The following NOTCH2 variants were observed in gnomAD, a reference collection of about 807,000 sequenced individuals.
NOTCH2 encodes neurogenic locus notch homolog protein 2.
A neutral mutation model predicts 235.8 loss-of-function variants in NOTCH2; 29 were observed. The ratio of observed to expected loss-of-function variants is 0.12; its 90% CI spans 0.09 to 0.17. The LOEUF (loss-of-function observed/expected upper bound fraction) is 0.17, where lower values mean the gene tolerates loss of function less well. Ranked by LOEUF, NOTCH2 falls within the 10% of genes least tolerant of loss-of-function variation. The pLI is 1.00. For missense variants in NOTCH2, 2,285 were observed against 3,150.2 expected, an observed-to-expected ratio of 0.73 and a Z score of 6.57; for synonymous variants, 1,086 against 1,141.5, an observed-to-expected ratio of 0.95 and a Z score of 0.98.
intron 25 of NOTCH2, 47 bp from the exon 26 acceptor site, chr1:119,924,031 T>C (rs754491473): frequency 6.8e-7 from 1 of 1,463,610 alleles, no homozygotes; most frequent in Non-Finnish European, 9.5e-7. Context: ...CAGATTAGAC[T>C]GGAGCTCTAT....
chr1:119,965,613 C>T (rs782775106), intron 9 of NOTCH2, 47 bp from the exon 10 acceptor site: 44 of 1,257,292 alleles, frequency 3.5e-5, no homozygotes, highest in Non-Finnish European at 5.0e-5. Context: ...TATCTTGTGT[C>T]TCCCTTTACC....
intron 17 of NOTCH2, among the ~76,000 whole-genome samples, chr1:119,943,529 C>T (rs1184864831): frequency 2.0e-5 from 3 of 152,134 alleles, no homozygotes; most frequent in Non-Finnish European, 4.4e-5. Context: ...AATTAACAAA[C>T]CTTGAAGTAA....
At chr1:119,981,905 A>G (rs1651828052) in intron 5 of NOTCH2, among the ~76,000 whole-genome samples, 1 of 152,052 alleles carries the variant, frequency 6.6e-6, no homozygotes, top group Non-Finnish European at 1.5e-5. Flanking sequence ...ATTAAGTAGT[A>G]TTCTCTCTCA....
At chr1:119,975,054 A>C (rs1407632083) in intron 5 of NOTCH2, among the ~76,000 whole-genome samples, 3 of 152,212 alleles carry the variant, frequency 2.0e-5, no homozygotes, top group Admixed American at 1.3e-4. Context: ...AACTTTGCAC[A>C]GTTAGTTGGC....
At chr1:119,976,860 T>C (rs1651599681) in intron 5 of NOTCH2, among the ~76,000 whole-genome samples, 1 of 152,082 alleles carries the variant, frequency 6.6e-6, no homozygotes, top group Non-Finnish European at 1.5e-5. Context: ...GATAGTCTTA[T>C]CCTCACTCTC....
At chr1:119,950,915 G>A (rs1650446234) in intron 14 of NOTCH2, 78 bp from the exon 15 acceptor site, 1 of 900,132 alleles carries the variant, frequency 1.1e-6, no homozygotes, top group African/African-American at 1.6e-5. Context: ...TCTCTTTAGG[G>A]GTAAAAACTG....
intron 30 of NOTCH2, 47 bp downstream of exon 30, chr1:119,920,182 A>G (rs1308206076): frequency 1.2e-6 from 2 of 1,603,324 alleles, no homozygotes; most frequent in Non-Finnish European, 1.7e-6. Context: ...ATGTGGAACC[A>G]TGGGCAGACA....
In NOTCH2 at chr1:119,913,141, T is replaced by A. The variant is rs1648945673; in HGVS notation, c.*2165A>T. On this transcript the variant is annotated 3_prime_UTR_variant, in exon 34 of 34. Transcript: ENST00000256646. The stretch of plus-strand genomic sequence containing the variant: ...AATAAATGGGTCCAAGGGCAGAGAG[T>A]CACCATTTAGAATGATAAAATGTTT... 1 of 232,960 alleles carries A rather than the reference T, an allele frequency of 4.3e-6. No homozygotes were observed. Among genetic ancestry groups the A allele is most frequent in the South Asian group, 1.8e-4 (1 of 5,502 alleles). 14.4% of individuals were successfully genotyped at this position (232,960 alleles called of 1,614,324 possible). A position where few individuals can be genotyped will look rare whatever the true frequency, so the allele number is the denominator to read the frequency against.
In NOTCH2 at chr1:119,914,215, A is replaced by C. The variant is rs1360843413; in HGVS notation, c.*1091T>G. 3 of 233,128 alleles carry C rather than the reference A, an allele frequency of 1.3e-5. No individual in the cohort carries two copies. The Admixed American group carries it at 1.7e-4, about 13-fold the overall frequency. The allele number at this position is 233,128 out of a possible 1,614,324, so 14.4% of individuals were successfully genotyped here. On this transcript the variant is annotated 3_prime_UTR_variant, in exon 34 of 34. Transcript: ENST00000256646. ...CATATGCTGGGTGAGTGAGTGAAAC[A>C]GGCCTAGAATGCTCAGATCTGGGAC...
intron 1 of NOTCH2, among the ~76,000 whole-genome samples, chr1:120,041,960 G>A (rs1215954166): frequency 6.8e-6 from 1 of 146,620 alleles, no homozygotes; most frequent in Non-Finnish European, 1.5e-5. Context: ...GAGAGAGAAA[G>A]GAAAGGAAAG....
Position 119,986,505 on chromosome 1 carries a change from T to C in NOTCH2, c.874+455A>G, listed in dbSNP as rs375397555. Among the ~76,000 whole-genome samples, 4 of 152,194 alleles carry C rather than the reference T, an allele frequency of 2.6e-5. No individual in the cohort carries two copies. The East Asian group carries it at 7.7e-4, about 29-fold the overall frequency. ...AAGAGTACCTGCCTAACACTTTGCC[T>C]AGTTATAGAACATGACATTAAGATG... On this transcript the variant is annotated intron_variant, in intron 5 of 33. Coordinates refer to ENST00000256646, the MANE Select transcript of NOTCH2 (RefSeq NM_024408.4).
intron 5 of NOTCH2, among the ~76,000 whole-genome samples, chr1:119,978,046 G>A (rs1224449631): frequency 2.0e-5 from 3 of 152,154 alleles, no homozygotes; most frequent in African/African-American, 4.8e-5. Flanking sequence ...GATACCTATT[G>A]CCTTGGGAGT....
At chr1:119,996,762 T>C (rs1553204214) in intron 4 of NOTCH2, 1 of 958,166 alleles carries the variant, frequency 1.0e-6, no homozygotes, top group South Asian at 1.3e-5. Context: ...AAAGGGACAA[T>C]AAACAATTTT....
chr1:119,935,295 A>G, intron 22 of NOTCH2, 177 bp downstream of exon 22: 1 of 1,545,606 alleles, frequency 6.5e-7, no homozygotes, highest in Non-Finnish European at 8.7e-7. Flanking sequence ...CCACAACATC[A>G]GAGCTAGCAA....
At chr1:119,929,308 C>A in intron 22 of NOTCH2, 96 bp from the exon 23 acceptor site, 2 of 974,046 alleles carry the variant, frequency 2.1e-6, no homozygotes, top group Admixed American at 1.8e-5. Context: ...CACAATGAAT[C>A]AGAGTATACT....
At chr1:119,955,684 A>G (rs1457044844) in intron 12 of NOTCH2, among the ~76,000 whole-genome samples, 3 of 152,226 alleles carry the variant, frequency 2.0e-5, no homozygotes, top group African/African-American at 7.2e-5. Context: ...AATTAACTGG[A>G]ATGCTTAATG....
At chr1:119,942,192 CTCTCTCTCTTTT>C (rs1359778241) in intron 17 of NOTCH2, among the ~76,000 whole-genome samples, 2 of 151,066 alleles carry the variant, frequency 1.3e-5, no homozygotes, top group African/African-American at 4.9e-5. Flanking sequence ...TCCATCTCCT[CTCTCTCTCTTTT>C]TCTCTCTCTT....
At position 119,935,418 on chromosome 1, in the gene NOTCH2, T is replaced by C. The variant is rs587664838; in HGVS notation, c.3655+54A>G. On this transcript the variant is annotated intron_variant, in intron 22 of 33. Coordinates refer to ENST00000256646, the MANE Select transcript of NOTCH2 (RefSeq NM_024408.4). Reference sequence around the variant, plus strand: ...AAATCCCCTGAACACTAAGAATGGATTTATAACTTAAGACAATGCCCTGGA... The same window carrying C: ...AAATCCCCTGAACACTAAGAATGGACTTATAACTTAAGACAATGCCCTGGA... 7.1e-5 allele frequency: 115 copies of C among 1,613,860 alleles called. No homozygotes were observed. The African/African-American group carries it at 1.4e-3, about 20-fold the overall frequency.
chr1:119,966,191 G>C (rs1234091361), intron 9 of NOTCH2, among the ~76,000 whole-genome samples, 185 bp downstream of exon 9: 1 of 152,144 alleles, frequency 6.6e-6, no homozygotes, highest in African/African-American at 2.4e-5. Flanking sequence ...TGGCCACAAA[G>C]GACTTGTAAG....
Sources: allele counts gnomAD v4.1 joint callset (sites outside exome capture counted in the v4.1 genomes callset), GRCh38; gene constraint gnomAD v4.1.1; transcripts MANE v1.5; gene names NCBI Gene and HGNC (gene_info 2026-07-23, HGNC 2026-07-21).